Variants in UBP1 observed in about 807,000 individuals in gnomAD.
UBP1 encodes upstream-binding protein 1.
UBP1 carries 22 observed loss-of-function variants against 76.1 expected under a neutral mutation model. The ratio of observed to expected loss-of-function variants is 0.29; its 90% CI spans 0.21 to 0.41. UBP1 has a LOEUF of 0.41. Among genes scored for constraint, UBP1 ranks in the 10% least tolerant of loss-of-function variants. The pLI, the probability that UBP1 is intolerant of heterozygous loss-of-function variation, is 1.00. For missense variants in UBP1, 436 were observed against 668.1 expected (o/e 0.65, Z 3.83); for synonymous variants, 224 against 237.1 (o/e 0.94, Z 0.51).
intron 1 of UBP1, among the ~76,000 whole-genome samples, chr3:33,438,994 A>T (rs2045244166): frequency 6.6e-6 from 1 of 152,096 alleles, no homozygotes; most frequent in African/African-American, 2.4e-5. Context: ...AAAAATACAG[A>T]GTTTCCAAAT....
At chr3:33,427,244 C>T (rs2045034007) in intron 1 of UBP1, among the ~76,000 whole-genome samples, 1 of 152,200 alleles carries the variant, frequency 6.6e-6, no homozygotes, top group Non-Finnish European at 1.5e-5. Flanking sequence ...GGATTATAGG[C>T]GTGAGCCATC....
At chr3:33,430,154 T>C (rs1008452970) in intron 1 of UBP1, among the ~76,000 whole-genome samples, 6 of 152,118 alleles carry the variant, frequency 3.9e-5, no homozygotes, top group African/African-American at 1.2e-4. Context: ...ACTAACAAGA[T>C]AAAGAAACAG....
chr3:33,433,467 A>T (rs2154059954), intron 1 of UBP1, among the ~76,000 whole-genome samples: 1 of 151,394 alleles, frequency 6.6e-6, no homozygotes, highest in South Asian at 2.1e-4. Flanking sequence ...AGCCTGACCA[A>T]CAAGGTGAAA....
Position 33,411,573 on chromosome 3 carries a change from A to C in UBP1, c.555+8T>G. 6.2e-7 allele frequency: 1 copy of C among 1,613,596 alleles called. No individual in the cohort carries two copies. The highest frequency in any genetic ancestry group is 8.5e-7 in the Non-Finnish European group (1 of 1,179,500). On this transcript the variant is annotated splice_region_variant and intron_variant, in intron 5 of 15. Coordinates refer to ENST00000283629, the MANE Select transcript of UBP1 (RefSeq NM_014517.5). ...TTAGTAAGCTTCTAATAATGTAAAA[A>C]TCCAAACCTGAATGAAAGCAGAGGT...
At chr3:33,412,621 AACTTTCCCCAC>A in intron 4 of UBP1, 90 bp downstream of exon 4, 1 of 818,004 alleles carries the variant, frequency 1.2e-6, no homozygotes, top group Non-Finnish European at 2.0e-6. Flanking sequence ...CAAACACCAA[AACTTTCCCCAC>A]ACAAGTAATT....
chr3:33,395,471 A>T (rs1426502935), intron 13 of UBP1, among the ~76,000 whole-genome samples: 1 of 152,144 alleles, frequency 6.6e-6, no homozygotes, highest in East Asian at 1.9e-4. Flanking sequence ...GGCCATATTT[A>T]GAGGTGAGAA....
chr3:33,440,033 G>C lies in UBP1; in HGVS notation c.-185C>G. The C allele has an allele frequency of 5.6e-6, 3 of 539,674 alleles. No homozygotes were observed. In the South Asian group the frequency reaches 8.7e-5, roughly 16 times the overall value. 33.4% of individuals were successfully genotyped at this position (539,674 alleles called of 1,614,324 possible). A position where few individuals can be genotyped will look rare whatever the true frequency, so the allele number is the denominator to read the frequency against. ...ACTGGCAGGGCACGACGAGCCCAGC[G>C]AGCAATTGCAGCGGGAGCGGCCGGG... On this transcript the variant is annotated 5_prime_UTR_variant, in exon 1 of 16. Transcript: ENST00000283629.
At chr3:33,424,125 C>T (rs2044968972) in intron 2 of UBP1, among the ~76,000 whole-genome samples, 2 of 152,168 alleles carry the variant, frequency 1.3e-5, no homozygotes, top group Non-Finnish European at 2.9e-5. Context: ...ATCCTTGCCC[C>T]TACATTGTTT....
At position 33,396,187 on chromosome 3, in the gene UBP1, G is replaced by A. The variant is rs371116400; in HGVS notation, c.1365C>T (p.Ser455=). The A allele has an allele frequency of 9.4e-6, 15 of 1,591,856 alleles. No individual in the cohort carries two copies. Among genetic ancestry groups the A allele is most frequent in the South Asian group, 3.3e-5 (3 of 89,756 alleles). The change falls in exon 13 of 16, where the codon AGC becomes AGT. Residue 455 remains serine (S), a synonymous_variant. Transcript: ENST00000283629. The part of the protein sequence containing the change: ...QGQQQAASSA[S]ENGSGAPYVY... ...CATAGGGTGCCCCACTGCCATTCTC[G>A]CTTGCACTGCTTGCAGCTTGCTGCT...
chr3:33,403,735 A>T (rs1222729631), intron 8 of UBP1: 1 of 152,254 alleles, frequency 6.6e-6, no homozygotes, highest in Non-Finnish European at 1.5e-5. Flanking sequence ...GGAGGTTGAA[A>T]AAGTCAGTCA....
chr3:33,413,804 A>G (rs2044659581), intron 3 of UBP1, among the ~76,000 whole-genome samples: 1 of 152,140 alleles, frequency 6.6e-6, no homozygotes, highest in South Asian at 2.1e-4. Context: ...GGCCTGTCCA[A>G]GCAATTACCC....
chr3:33,391,538 C>T (rs1426528728), intron 15 of UBP1: 1 of 152,194 alleles, frequency 6.6e-6, no homozygotes, highest in Non-Finnish European at 1.5e-5. Context: ...TAGTCAACTG[C>T]CTACTTGACA....
At chr3:33,410,785 T>C (rs1286994608) in intron 5 of UBP1, among the ~76,000 whole-genome samples, 1 of 152,090 alleles carries the variant, frequency 6.6e-6, no homozygotes, top group Admixed American at 6.6e-5. Flanking sequence ...TAAAGTACTC[T>C]AACAGGCTGG....
intron 13 of UBP1, among the ~76,000 whole-genome samples, chr3:33,395,108 G>A (rs1391372768): frequency 6.6e-6 from 1 of 152,132 alleles, no homozygotes; most frequent in East Asian, 1.9e-4. Flanking sequence ...ATAAGCTCTT[G>A]ATGATACATG....
chr3:33,439,631 G>C (rs1456542713), intron 1 of UBP1, 105 bp downstream of exon 1: 2 of 1,264,992 alleles, frequency 1.6e-6, no homozygotes, highest in Admixed American at 2.4e-5. Context: ...CGCAGCCCAG[G>C]AGGCCCGCGC....
At chr3:33,416,618 C>T (rs2154058140) in intron 3 of UBP1, 140 bp downstream of exon 3, 3 of 606,040 alleles carry the variant, frequency 5.0e-6, no homozygotes, top group South Asian at 2.8e-5. Flanking sequence ...TCCCATTTTA[C>T]AGGTGAATAA....
At chr3:33,434,595 C>A (rs766733009) in intron 1 of UBP1, among the ~76,000 whole-genome samples, 3 of 151,606 alleles carry the variant, frequency 2.0e-5, no homozygotes, top group Non-Finnish European at 4.4e-5. Flanking sequence ...TGACTCTATC[C>A]TTTAGAGCAG....
intron 1 of UBP1, among the ~76,000 whole-genome samples, chr3:33,434,942 T>A (rs1259283169): frequency 5.9e-5 from 9 of 152,108 alleles, no homozygotes. Flanking sequence ...ACCTTGGCCC[T>A]CCAAAGTGTT....
intron 2 of UBP1, among the ~76,000 whole-genome samples, chr3:33,422,977 A>G (rs2044938493): frequency 6.6e-6 from 1 of 152,148 alleles, no homozygotes; most frequent in South Asian, 2.1e-4. Context: ...ATTATTTTGA[A>G]AGTTATAATT....
Sources: gnomAD v4.1 joint callset for allele counts (sites outside exome capture counted in the v4.1 genomes callset) on GRCh38, gnomAD v4.1.1 for gene constraint, MANE v1.5 for transcripts, NCBI Gene and HGNC (gene_info 2026-07-23, HGNC 2026-07-21) for gene names.